Variants in LRRTM4 observed in about 807,000 individuals in gnomAD.
LRRTM4 encodes leucine rich repeat transmembrane neuronal 4, also known as leucine-rich repeat transmembrane neuronal protein 4.
A neutral mutation model predicts 47.6 loss-of-function variants in LRRTM4; 25 were observed. The observed-to-expected ratio is 0.53, with a 90% confidence interval of 0.38 to 0.73. LRRTM4 has a LOEUF of 0.73. Ranked by LOEUF, LRRTM4 falls within the 30% of genes least tolerant of loss-of-function variation. The probability of loss-of-function intolerance (pLI) is 0.00; values close to 1 mark genes in which losing one functional copy is unlikely to be tolerated. For missense variants in LRRTM4, 638 were observed against 713.4 expected, an observed-to-expected ratio of 0.89 and a Z score of 1.20; for synonymous variants, 311 against 269.5, an observed-to-expected ratio of 1.15 and a Z score of -1.51.
intron 3 of LRRTM4, among the ~76,000 whole-genome samples, chr2:76,877,452 C>T (rs1466069799): frequency 6.6e-6 from 1 of 151,712 alleles, no homozygotes; most frequent in East Asian, 1.9e-4. Context: ...CAGCACTTCA[C>T]AATTGCGTGG....
chr2:77,345,498 A>C (rs2104285185), intron 3 of LRRTM4, among the ~76,000 whole-genome samples: 1 of 152,094 alleles, frequency 6.6e-6, no homozygotes, highest in South Asian at 2.1e-4. Flanking sequence ...AATATTAGAA[A>C]AGACAACTCA....
chr2:76,936,726 AG>A (rs1332322732), intron 3 of LRRTM4, among the ~76,000 whole-genome samples: 3 of 151,590 alleles, frequency 2.0e-5, no homozygotes, highest in Admixed American at 2.0e-4. Context: ...AGGCCAAGGC[AG>A]GTGGATCACC....
Position 76,835,626 on chromosome 2 carries a change from T to A in LRRTM4, c.1552-86710A>T, listed in dbSNP as rs549768929. On this transcript the variant is annotated intron_variant, in intron 3 of 3. Transcript: ENST00000409884. ...CAGAATTGGTCTCAAATTATGGGAG[T>A]GTTTTCCTGAAAGAAAGCTCAATGA... Among the ~76,000 whole-genome samples the A allele has an allele frequency of 5.9e-5, 9 of 152,068 alleles. No individual in the cohort carries two copies. In the South Asian group the frequency reaches 1.9e-3, roughly 32 times the overall value.
intron 3 of LRRTM4, among the ~76,000 whole-genome samples, chr2:76,953,782 T>C (rs1419253824): frequency 6.6e-6 from 1 of 151,918 alleles, no homozygotes; most frequent in East Asian, 1.9e-4. Flanking sequence ...ATATTCAGCT[T>C]TTCTGGGACT....
At position 77,362,175 on chromosome 2, in the gene LRRTM4, A is replaced by G. The variant is rs146610053; in HGVS notation, c.1551+156143T>C. On this transcript the variant is annotated intron_variant, in intron 3 of 3. Coordinates refer to ENST00000409884, the MANE Select transcript of LRRTM4 (RefSeq NM_001134745.3). ...AAAGAAAGAAAGAAAGAAAGAAAGG[A>G]AGGAAGGAAGAGTTCTTAATGTCCT... Among the ~76,000 whole-genome samples the G allele has an allele frequency of 1.4e-3, 219 of 151,850 alleles. 4 individuals are homozygous for G. The highest frequency in any genetic ancestry group is 4.3e-3 in the African/African-American group (178 of 41,298).
intron 3 of LRRTM4, among the ~76,000 whole-genome samples, chr2:76,910,836 G>T (rs562388512): frequency 6.6e-6 from 1 of 152,108 alleles, no homozygotes; most frequent in Non-Finnish European, 1.5e-5. Context: ...TCTTGATTAT[G>T]TCATTAGAGC....
At chr2:76,858,256 C>A (rs908029344) in intron 3 of LRRTM4, among the ~76,000 whole-genome samples, 6 of 152,138 alleles carry the variant, frequency 3.9e-5, no homozygotes, top group African/African-American at 1.4e-4. Context: ...CCTCATCCAA[C>A]CAGGTGAACG....
chr2:77,233,524 T>TAAA (rs1675023231), intron 3 of LRRTM4, among the ~76,000 whole-genome samples: 1 of 152,166 alleles, frequency 6.6e-6, no homozygotes, highest in Non-Finnish European at 1.5e-5. Flanking sequence ...TTCTAAATAT[T>TAAA]ACTATATTTT....
intron 3 of LRRTM4, among the ~76,000 whole-genome samples, chr2:76,922,181 A>T (rs999523847): frequency 6.6e-6 from 1 of 152,108 alleles, no homozygotes; most frequent in Non-Finnish European, 1.5e-5. Flanking sequence ...TTATACATGT[A>T]TATTAGTCTG....
chr2:76,794,250 T>A (rs1675135684), intron 3 of LRRTM4, among the ~76,000 whole-genome samples: 1 of 152,198 alleles, frequency 6.6e-6, no homozygotes, highest in Non-Finnish European at 1.5e-5. Flanking sequence ...GATTGTTTCT[T>A]ATACTCAGAA....
chr2:77,025,013 A>C (rs1014979527), intron 3 of LRRTM4, among the ~76,000 whole-genome samples: 2 of 152,188 alleles, frequency 1.3e-5, no homozygotes, highest in African/African-American at 4.8e-5. Flanking sequence ...GTAATTTTAA[A>C]ACTTTCAACA....
chr2:77,155,574 T>A (rs954652465), intron 3 of LRRTM4, among the ~76,000 whole-genome samples: 29 of 151,650 alleles, frequency 1.9e-4, no homozygotes, highest in African/African-American at 7.0e-4. Context: ...TATATATATA[T>A]CTTTTAACAC....
chr2:76,806,597 A>AAAAG (rs1274092996), intron 3 of LRRTM4, among the ~76,000 whole-genome samples: 7 of 134,320 alleles, frequency 5.2e-5, no homozygotes, highest in African/African-American at 2.1e-4. Flanking sequence ...ATTTTTTTTA[A>AAAAG]AAAGAAAAAA....
chr2:76,789,629 T>A (rs1315906814), intron 3 of LRRTM4, among the ~76,000 whole-genome samples: 3 of 152,236 alleles, frequency 2.0e-5, no homozygotes, highest in Non-Finnish European at 2.9e-5. Flanking sequence ...TGGTCAAACC[T>A]ACTCCATGGT....
intron 3 of LRRTM4, among the ~76,000 whole-genome samples, chr2:76,938,112 G>A (rs1291326958): frequency 6.6e-6 from 1 of 151,588 alleles, no homozygotes; most frequent in African/African-American, 2.4e-5. Flanking sequence ...ACTTTCTGAT[G>A]AAAAAAATTC....
At chr2:77,452,576 G>T (rs1464637839) in intron 3 of LRRTM4, among the ~76,000 whole-genome samples, 7 of 152,224 alleles carry the variant, frequency 4.6e-5, no homozygotes, top group African/African-American at 1.7e-4. Context: ...GAGACCAGAT[G>T]TGCAACCTGC....
chr2:77,381,535 T>C (rs974848644), intron 3 of LRRTM4, among the ~76,000 whole-genome samples: 2 of 152,050 alleles, frequency 1.3e-5, no homozygotes, highest in African/African-American at 4.8e-5. Flanking sequence ...AACTAGCGAA[T>C]AGGCATACAA....
At chr2:77,052,388 C>T (rs1045359518) in intron 3 of LRRTM4, among the ~76,000 whole-genome samples, 3 of 151,646 alleles carry the variant, frequency 2.0e-5, no homozygotes, top group Non-Finnish European at 4.4e-5. Context: ...AGGCTGGTCT[C>T]GATCTCCTGA....
intron 3 of LRRTM4, among the ~76,000 whole-genome samples, chr2:76,908,806 C>A (rs201127599): frequency 0.21 from 31,202 of 151,158 alleles, 4,725 homozygotes; most frequent in East Asian, 0.59. Context: ...GGACCTCTTC[C>A]AGGAGAACTA....
Sources: allele counts gnomAD v4.1 joint callset (sites outside exome capture counted in the v4.1 genomes callset), GRCh38; gene constraint gnomAD v4.1.1; transcripts MANE v1.5; gene names NCBI Gene and HGNC (gene_info 2026-07-23, HGNC 2026-07-21).